Variants in TENT4B observed in about 807,000 individuals in gnomAD.
TENT4B encodes terminal nucleotidyltransferase 4B, also known as PAP associated domain containing 5.
TENT4B carries 10 observed loss-of-function variants against 75.0 expected under a neutral mutation model. That is an observed-to-expected ratio of 0.13 (90% CI 0.08 to 0.23). The LOEUF is 0.23. TENT4B is among the 10% of genes least tolerant of loss of function. The probability of loss-of-function intolerance (pLI) is 1.00; values close to 1 mark genes in which losing one functional copy is unlikely to be tolerated. For missense variants in TENT4B, 579 were observed against 893.8 expected, an observed-to-expected ratio of 0.65 and a Z score of 4.49; for synonymous variants, 350 against 357.7, an observed-to-expected ratio of 0.98 and a Z score of 0.24.
chr16:50,184,502 A>G (rs2150700591), intron 1 of TENT4B, among the ~76,000 whole-genome samples: 1 of 152,210 alleles, frequency 6.6e-6, no homozygotes, highest in Admixed American at 6.5e-5. Flanking sequence ...CCCCGTCTCT[A>G]CTAAAAAACA....
chr16:50,216,867 A>C (rs1306704344), intron 4 of TENT4B, among the ~76,000 whole-genome samples: 2 of 152,134 alleles, frequency 1.3e-5, no homozygotes, highest in African/African-American at 4.8e-5. Context: ...TGTGTTGCCC[A>C]AGTTAGGCCA....
intron 1 of TENT4B, among the ~76,000 whole-genome samples, chr16:50,193,331 G>GTT (rs774084083): frequency 0.017 from 1,724 of 101,400 alleles, 46 homozygotes; most frequent in South Asian, 0.033. Flanking sequence ...AGTTCCTGGA[G>GTT]TTTTTTTTTT....
chr16:50,193,988 G>C (rs1950559559), intron 1 of TENT4B, among the ~76,000 whole-genome samples: 1 of 152,190 alleles, frequency 6.6e-6, no homozygotes, highest in South Asian at 2.1e-4. Context: ...CGGAGACTGA[G>C]AATGAGGACT....
intron 1 of TENT4B, among the ~76,000 whole-genome samples, chr16:50,202,485 CTTTG>C (rs1335324828): frequency 6.6e-6 from 1 of 152,068 alleles, no homozygotes; most frequent in Non-Finnish European, 1.5e-5. Context: ...AAAGATTAAA[CTTTG>C]TTTATTTGTG....
intron 1 of TENT4B, among the ~76,000 whole-genome samples, chr16:50,180,893 C>T (rs774494416): frequency 6.6e-6 from 1 of 152,094 alleles, no homozygotes; most frequent in Non-Finnish European, 1.5e-5. Context: ...TGTTGGAAGT[C>T]CTCAAACTTC....
intron 1 of TENT4B, among the ~76,000 whole-genome samples, chr16:50,173,755 A>G (rs2038249961): frequency 6.6e-6 from 1 of 152,114 alleles, no homozygotes; most frequent in African/African-American, 2.4e-5. Context: ...GTGCAATGGT[A>G]CAATCTTGGC....
At position 50,153,757 on chromosome 16, in the gene TENT4B, A is replaced by G. The variant is rs2037824739; in HGVS notation, c.136A>G (p.Ser46Gly). 1 of 1,068,312 alleles carries G rather than the reference A, an allele frequency of 9.4e-7. No homozygotes were observed. The highest frequency in any genetic ancestry group is 1.1e-6 in the Non-Finnish European group (1 of 885,406). The allele number at this position is 1,068,312 out of a possible 1,614,324, so 66.2% of individuals were successfully genotyped here. A position where few individuals can be genotyped will look rare whatever the true frequency, so the allele number is the denominator to read the frequency against. The change falls in exon 1 of 12, where the codon AGC (serine) becomes GGC (glycine). Residue 46 changes from serine to glycine, a missense_variant. By Grantham distance (56) the Ser-to-Gly change is moderately conservative. This residue lies in a region of TENT4B where 253 missense variants were observed against 270.1 expected (regional missense o/e 0.94). Transcript: ENST00000561678. ...CCACTGTCACAGCAGCGGCGGCGCGAGCGGCGGCGGCGGCAGCAGCAGCAG... is the reference window on the plus strand; with the variant it reads ...CCACTGTCACAGCAGCGGCGGCGCGGGCGGCGGCGGCGGCAGCAGCAGCAG... ...NHHCHSSGGA[S>G]GGGGSSSSSS...
At chr16:50,203,884 C>T (rs1218593244) in intron 1 of TENT4B, among the ~76,000 whole-genome samples, 1 of 152,222 alleles carries the variant, frequency 6.6e-6, no homozygotes, top group Non-Finnish European at 1.5e-5. Context: ...GGCCTGTAAG[C>T]CTGACTGCTC....
intron 1 of TENT4B, among the ~76,000 whole-genome samples, chr16:50,182,051 G>T (rs911761213): frequency 5.3e-5 from 8 of 152,146 alleles, no homozygotes; most frequent in Non-Finnish European, 1.2e-4. Context: ...CAGATTGCTT[G>T]AGCTCAGGAG....
At chr16:50,220,962 A>G (rs2031800019) in intron 5 of TENT4B, among the ~76,000 whole-genome samples, 2 of 152,222 alleles carry the variant, frequency 1.3e-5, no homozygotes, top group South Asian at 2.1e-4. Flanking sequence ...TAGGACATCT[A>G]GAAAACAGAG....
At chr16:50,217,873 A>G (rs1009895865) in intron 5 of TENT4B, among the ~76,000 whole-genome samples, 4 of 150,836 alleles carry the variant, frequency 2.7e-5, no homozygotes, top group Non-Finnish European at 3.0e-5. Context: ...TCAAGTGGTC[A>G]TCTCACCTCA....
At position 50,229,905 on chromosome 16, in the gene TENT4B, G is replaced by T. The variant is rs1567517264; in HGVS notation, c.*577G>T. Reference sequence around the variant, plus strand: ...ATAATACTTTTTACATAACATTACTGTTTAAATTGTAAACAGATTTTTTCT... The same window carrying T: ...ATAATACTTTTTACATAACATTACTTTTTAAATTGTAAACAGATTTTTTCT... On this transcript the variant is annotated 3_prime_UTR_variant, in exon 12 of 12. Transcript: ENST00000561678. The T allele has an allele frequency of 1.1e-6, 1 of 922,554 alleles. No individual in the cohort carries two copies. Among genetic ancestry groups the T allele is most frequent in the Non-Finnish European group, 1.3e-6 (1 of 773,002 alleles). The allele number at this position is 922,554 out of a possible 1,614,324, so 57.1% of individuals were successfully genotyped here.
intron 1 of TENT4B, among the ~76,000 whole-genome samples, chr16:50,158,231 C>T (rs1040941180): frequency 6.6e-6 from 1 of 152,110 alleles, no homozygotes; most frequent in Admixed American, 6.6e-5. Flanking sequence ...GGATTACAGG[C>T]GCCCGCCACC....
At position 50,154,215 on chromosome 16, in the gene TENT4B, C is replaced by A; in HGVS notation, c.594C>A (p.Ser198Arg). Residue 198 changes from serine to arginine, a missense_variant, in exon 1 of 12, where the codon AGC becomes AGA. This residue lies in a region of TENT4B where 253 missense variants were observed against 270.1 expected (regional missense o/e 0.94). Coordinates refer to ENST00000561678, the MANE Select transcript of TENT4B (RefSeq NM_001365324.3). ...CAGACGGCGGCGGGGTCGTGTACAG[C>A]GGGACCCCGTGGAAACGGAGGAACT... ...GRADGGGVVY[S>R]GTPWKRRNYN... 6.8e-7 allele frequency: 1 copy of A among 1,477,514 alleles called. No individual in the cohort carries two copies. Among genetic ancestry groups the A allele is most frequent in the South Asian group, 1.3e-5 (1 of 75,384 alleles). The allele number at this position is 1,477,514 out of a possible 1,614,324, so 91.5% of individuals were successfully genotyped here.
At chr16:50,216,937 T>G (rs2150740004) in intron 4 of TENT4B, among the ~76,000 whole-genome samples, 1 of 152,326 alleles carries the variant, frequency 6.6e-6, no homozygotes, top group Non-Finnish European at 1.5e-5. Context: ...TTTAGAATAA[T>G]TTTTATATTT....
At position 50,232,359 on chromosome 16, in the gene TENT4B, T is replaced by C. The variant is rs2032322629; in HGVS notation, c.*3031T>C. 1 of 985,434 alleles carries C rather than the reference T, an allele frequency of 1.0e-6. No individual in the cohort carries two copies. Among genetic ancestry groups the C allele is most frequent in the Non-Finnish European group, 1.2e-6 (1 of 829,920 alleles). 61.0% of individuals were successfully genotyped at this position (985,434 alleles called of 1,614,324 possible). ...TGTTTTATTTTTATCCTGTTTTGAG[T>C]GTACTTTACCTTTACTTGCATTTTG... On this transcript the variant is annotated 3_prime_UTR_variant, in exon 12 of 12. Coordinates refer to ENST00000561678, the MANE Select transcript of TENT4B (RefSeq NM_001365324.3).
intron 1 of TENT4B, among the ~76,000 whole-genome samples, chr16:50,194,242 G>A (rs1453660655): frequency 1.5e-5 from 2 of 134,822 alleles, no homozygotes; most frequent in African/African-American, 5.5e-5. Flanking sequence ...CTGAGACGGA[G>A]TCTTGCTCTG....
chr16:50,166,185 C>T lies in TENT4B; in HGVS notation c.638+11926C>T, dbSNP rs556529084. 7.3e-5 allele frequency among the ~76,000 whole-genome samples: 11 copies of T among 151,280 alleles called. No individual in the cohort carries two copies. In the South Asian group the frequency reaches 2.3e-3, roughly 32 times the overall value. On this transcript the variant is annotated intron_variant, in intron 1 of 11. Coordinates refer to ENST00000561678, the MANE Select transcript of TENT4B (RefSeq NM_001365324.3). Reference sequence around the variant, plus strand: ...GCAACCTCCACCTCCCAGGTTCAAGCAATTCTTGTATCTCTCAGCCTCCCG... The same window carrying T: ...GCAACCTCCACCTCCCAGGTTCAAGTAATTCTTGTATCTCTCAGCCTCCCG...
At chr16:50,216,049 C>T (rs779391239) in intron 3 of TENT4B, 26 bp from the exon 4 acceptor site, 4 of 1,613,010 alleles carry the variant, frequency 2.5e-6, no homozygotes, top group East Asian at 2.2e-5. Context: ...TCTTCCGACC[C>T]TCTTGTATAT....
Sources: allele counts gnomAD v4.1 joint callset (sites outside exome capture counted in the v4.1 genomes callset), GRCh38; gene constraint gnomAD v4.1.1; regional missense constraint gnomAD v4.1.1; transcripts MANE v1.5; gene names NCBI Gene and HGNC (gene_info 2026-07-23, HGNC 2026-07-21).